The following CDKN2B-AS1 variants were observed in gnomAD, a reference collection of about 807,000 sequenced individuals.
CDKN2B-AS1 encodes the protein CDKN2B and CDKN2A antisense cis and trans regulatory RNA 1.
chr9:22,124,752 G>C (rs1037255001), intron 4 of CDKN2B-AS1, among the ~76,000 whole-genome samples: 3 of 152,160 alleles, frequency 2.0e-5, no homozygotes, highest in African/African-American at 7.2e-5. Context: ...AGTCGTCTCA[G>C]CTAAGTTAGA....
intron 4 of CDKN2B-AS1, chr9:22,118,886 T>C (rs4977759): frequency 6.6e-6 from 1 of 152,184 alleles, no homozygotes; most frequent in African/African-American, 2.4e-5. Flanking sequence ...TATAGGATTG[T>C]TAAATGGATG....
chr9:22,053,320 G>A (rs1587462889), intron 3 of CDKN2B-AS1, among the ~76,000 whole-genome samples: 1 of 152,210 alleles, frequency 6.6e-6, no homozygotes, highest in African/African-American at 2.4e-5. Context: ...AGGTTTCTAA[G>A]TTTCCATTGA....
intron 1 of CDKN2B-AS1, among the ~76,000 whole-genome samples, chr9:22,045,057 T>TGC (rs1429760246): frequency 3.3e-5 from 5 of 151,420 alleles, no homozygotes; most frequent in Non-Finnish European, 7.4e-5. Flanking sequence ...TGTGTGTGTG[T>TGC]GTGTGTGTGT....
chr9:22,102,989 G>T (rs1825535488), intron 4 of CDKN2B-AS1, among the ~76,000 whole-genome samples: 1 of 152,154 alleles, frequency 6.6e-6, no homozygotes, highest in Admixed American at 6.5e-5. Flanking sequence ...CTTCAGTTGG[G>T]CCAGTCAGAA....
intron 4 of CDKN2B-AS1, among the ~76,000 whole-genome samples, chr9:22,082,420 T>C (rs985731966): frequency 1.3e-5 from 2 of 152,228 alleles, no homozygotes; most frequent in Non-Finnish European, 2.9e-5. Context: ...GATCATGATA[T>C]AGAGGCCCAG....
At chr9:22,069,864 C>A (rs1290231411) in intron 4 of CDKN2B-AS1, among the ~76,000 whole-genome samples, 1 of 152,086 alleles carries the variant, frequency 6.6e-6, no homozygotes, top group Non-Finnish European at 1.5e-5. Flanking sequence ...CTGTTCTATT[C>A]CTTTTTTTGT....
intron 4 of CDKN2B-AS1, among the ~76,000 whole-genome samples, chr9:22,106,266 A>G (rs1825655690): frequency 6.6e-6 from 1 of 152,068 alleles, no homozygotes; most frequent in Non-Finnish European, 1.5e-5. Flanking sequence ...TATTCTTAGT[A>G]AAGATAGGGT....
At chr9:22,047,260 T>C (rs1823146479) in intron 2 of CDKN2B-AS1, among the ~76,000 whole-genome samples, 1 of 152,184 alleles carries the variant, frequency 6.6e-6, no homozygotes, top group African/African-American at 2.4e-5. Context: ...ATAGGTATAT[T>C]GTTGCAGCAA....
chr9:22,037,936 A>T (rs1822753832), intron 1 of CDKN2B-AS1, among the ~76,000 whole-genome samples: 1 of 152,080 alleles, frequency 6.6e-6, no homozygotes, highest in African/African-American at 2.4e-5. Context: ...ATAATAATAA[A>T]AGTTAGGGAA....
intron 1 of CDKN2B-AS1, among the ~76,000 whole-genome samples, chr9:22,013,262 C>T (rs557811764): frequency 1.3e-5 from 2 of 152,138 alleles, no homozygotes; most frequent in African/African-American, 2.4e-5. Flanking sequence ...GGGCTTAGGA[C>T]TTTAATATAA....
chr9:22,099,307 G>A (rs1221191025), intron 4 of CDKN2B-AS1, among the ~76,000 whole-genome samples: 2 of 152,120 alleles, frequency 1.3e-5, no homozygotes, highest in South Asian at 2.1e-4. Context: ...CAGTTATGTG[G>A]ACTTCATCTT....
chr9:22,019,884 A>C (rs1231542738), intron 1 of CDKN2B-AS1, among the ~76,000 whole-genome samples: 1 of 152,180 alleles, frequency 6.6e-6, no homozygotes, highest in East Asian at 1.9e-4. Context: ...AAAACTTTTA[A>C]GTTCAGGGGT....
At chr9:22,103,131 ATGTGTG>A (rs3221506) in intron 4 of CDKN2B-AS1, among the ~76,000 whole-genome samples, 6,835 of 132,368 alleles carry the variant, frequency 0.052, 238 homozygotes, top group East Asian at 0.1. Flanking sequence ...TCTAGAACAG[ATGTGTG>A]TGTGTGTGTG....
intron 4 of CDKN2B-AS1, among the ~76,000 whole-genome samples, chr9:22,057,900 G>C (rs1823639450): frequency 6.6e-6 from 1 of 151,932 alleles, no homozygotes; most frequent in Non-Finnish European, 1.5e-5. Flanking sequence ...TGGATCACCT[G>C]AGGTCAGGAG....
chr9:21,996,168 G>C lies in CDKN2B-AS1; in HGVS notation n.29+1007G>C, dbSNP rs1820668442. Among the ~76,000 whole-genome samples the C allele has an allele frequency of 1.3e-5, 2 of 152,188 alleles. No individual in the cohort carries two copies. Among genetic ancestry groups the C allele is most frequent in the South Asian group, 2.1e-4 (1 of 4,832 alleles). ...AGGCGGTGCGGTAGCCTAGAGGAGC[G>C]GCAGACTTCTCTTTCCCCATCCCCC... On this transcript the variant is annotated intron_variant and non_coding_transcript_variant, in intron 1 of 4. Coordinates refer to ENST00000650946, the Ensembl canonical transcript of CDKN2B-AS1. The surrounding 1 kb of genome is among the most constrained non-coding windows in gnomAD (Gnocchi z 5.4).
At chr9:22,078,486 C>G (rs1824578517) in intron 4 of CDKN2B-AS1, among the ~76,000 whole-genome samples, 2 of 152,182 alleles carry the variant, frequency 1.3e-5, no homozygotes, top group South Asian at 2.1e-4. Context: ...CTTACTTCTT[C>G]CAACATTTTA....
At chr9:22,073,528 A>G (rs1433908223) in intron 4 of CDKN2B-AS1, among the ~76,000 whole-genome samples, 1 of 152,192 alleles carries the variant, frequency 6.6e-6, no homozygotes, top group Non-Finnish European at 1.5e-5. Context: ...CTAAGAATAT[A>G]TGGGTGTAAT....
intron 3 of CDKN2B-AS1, among the ~76,000 whole-genome samples, chr9:22,055,095 C>G (rs1176662365): frequency 6.6e-6 from 1 of 152,174 alleles, no homozygotes; most frequent in Non-Finnish European, 1.5e-5. Context: ...TGTTATTTAT[C>G]AGATGCCTCT....
At chr9:22,002,074 G>A (rs1587372517) in intron 1 of CDKN2B-AS1, among the ~76,000 whole-genome samples, 2 of 152,018 alleles carry the variant, frequency 1.3e-5, no homozygotes, top group Admixed American at 1.3e-4. Context: ...TTGTAGCTTA[G>A]TAATTGAACA....
Sources: allele counts gnomAD v4.1 joint callset (sites outside exome capture counted in the v4.1 genomes callset), GRCh38; gene constraint gnomAD v4.1.1; non-coding constraint Gnocchi (gnomAD v3.1); transcripts MANE v1.5; gene names NCBI Gene and HGNC (gene_info 2026-07-23, HGNC 2026-07-21).